The following SMARCE1 variants were observed in gnomAD, a reference collection of about 807,000 sequenced individuals.
SMARCE1 encodes the protein SWI/SNF-related matrix-associated actin-dependent regulator of chromatin subfamily E member 1.
SMARCE1 carries 13 observed loss-of-function variants against 54.9 expected under a neutral mutation model. The ratio of observed to expected loss-of-function variants is 0.24; its 90% CI spans 0.15 to 0.38. The LOEUF (loss-of-function observed/expected upper bound fraction) is 0.38, where lower values mean the gene tolerates loss of function less well. SMARCE1 is among the 10% of genes least tolerant of loss of function. The pLI is 1.00. For synonymous variants in SMARCE1, 151 were observed against 175.3 expected (o/e 0.86, Z 1.10); for missense variants, 295 against 523.8 (o/e 0.56, Z 4.26).
chr17:40,646,335 A>G (rs1374595053), intron 1 of SMARCE1, among the ~76,000 whole-genome samples: 1 of 152,238 alleles, frequency 6.6e-6, no homozygotes, highest in Non-Finnish European at 1.5e-5. Context: ...TATGACAATG[A>G]ACTTCACATT....
chr17:40,642,575 G>T lies in SMARCE1; in HGVS notation c.52-16C>A. 1 of 1,467,952 alleles carries T rather than the reference G, an allele frequency of 6.8e-7. No individual in the cohort carries two copies. Among genetic ancestry groups the T allele is most frequent in the Non-Finnish European group, 9.5e-7 (1 of 1,051,750 alleles). 90.9% of individuals were successfully genotyped at this position (1,467,952 alleles called of 1,614,324 possible). On this transcript the variant is annotated splice_polypyrimidine_tract_variant and intron_variant, in intron 3 of 10. Transcript: ENST00000348513. This position sits in a 1 kb window ranked among gnomAD's most constrained non-coding sequence, Gnocchi z 4.6. ...TGGGCATTTGCTGATGGAAACAAAT[G>T]AGACAAAAACACGAATGAGAAATGA...
At position 40,636,810 on chromosome 17, in the gene SMARCE1, A is replaced by G. The variant is rs868244000; in HGVS notation, c.238-284T>C. 30 of 240,640 alleles carry G rather than the reference A, an allele frequency of 1.2e-4. 1 individual carries two copies. In the Middle Eastern group the frequency reaches 5.5e-3, roughly 44 times the overall value. The allele number at this position is 240,640 out of a possible 1,614,324, so 14.9% of individuals were successfully genotyped here. A position where few individuals can be genotyped will look rare whatever the true frequency, so the allele number is the denominator to read the frequency against. ...TCTCCAATCACTACAGACACTTAGGATGAGTTACTTCAATAACATAGTCTA... is the reference window on the plus strand; with the variant it reads ...TCTCCAATCACTACAGACACTTAGGGTGAGTTACTTCAATAACATAGTCTA... On this transcript the variant is annotated intron_variant, in intron 5 of 10. Transcript: ENST00000348513.
At chr17:40,629,897 T>C in intron 10 of SMARCE1, 1 of 352,216 alleles carries the variant, frequency 2.8e-6, no homozygotes, top group Non-Finnish European at 5.0e-6. Flanking sequence ...TTTCAAATGT[T>C]AATCTGCTGG....
At chr17:40,643,024 T>A (rs938373976) in intron 3 of SMARCE1, 4 of 152,810 alleles carry the variant, frequency 2.6e-5, no homozygotes, top group African/African-American at 9.6e-5. Flanking sequence ...AATGTATTTA[T>A]CTACTAAAAA....
chr17:40,637,272 T>C (rs2037155871), intron 5 of SMARCE1: 2 of 555,264 alleles, frequency 3.6e-6, no homozygotes, highest in South Asian at 4.1e-5. Flanking sequence ...TAGAACATTC[T>C]ATCTTAAGGA....
At chr17:40,629,097 T>C in intron 10 of SMARCE1, 104 bp from the exon 11 acceptor site, 1 of 902,230 alleles carries the variant, frequency 1.1e-6, no homozygotes, top group South Asian at 1.5e-5. Context: ...ACTAGCCACA[T>C]GTGGTTATTA....
chr17:40,642,658 A>G lies in SMARCE1; in HGVS notation c.52-99T>C, dbSNP rs562967592. 2 of 699,316 alleles carry G rather than the reference A, an allele frequency of 2.9e-6. No homozygotes were observed. The highest frequency in any genetic ancestry group is 2.6e-5 in the East Asian group (1 of 39,084). 43.3% of individuals were successfully genotyped at this position (699,316 alleles called of 1,614,324 possible). A position where few individuals can be genotyped will look rare whatever the true frequency, so the allele number is the denominator to read the frequency against. ...GATCTGCATATGGCATGCAAAAGCA[A>G]CCTGAATTTAAACAAGCAATGATGT... On this transcript the variant is annotated intron_variant, in intron 3 of 10. Transcript: ENST00000348513. This position sits in a 1 kb window ranked among gnomAD's most constrained non-coding sequence, Gnocchi z 4.6.
chr17:40,642,349 A>AT lies in SMARCE1; in HGVS notation c.156+105dup. Reference sequence around the variant, plus strand: ...AATACTCAAAAAGCTAGGTTAAAAAATTTTTTTTAAATGGCTGTGCTTATG... The same window carrying AT: ...AATACTCAAAAAGCTAGGTTAAAAAATTTTTTTTTAAATGGCTGTGCTTATG... On this transcript the variant is annotated intron_variant, in intron 4 of 10. Transcript: ENST00000348513. This position sits in a 1 kb window ranked among gnomAD's most constrained non-coding sequence, Gnocchi z 4.6. 4 of 787,426 alleles carry AT rather than the reference A, an allele frequency of 5.1e-6. No individual in the cohort carries two copies. Among genetic ancestry groups the AT allele is most frequent in the Middle Eastern group, 2.3e-4 (1 of 4,364 alleles). 48.8% of individuals were successfully genotyped at this position (787,426 alleles called of 1,614,324 possible).
intron 4 of SMARCE1, chr17:40,640,158 C>G (rs1383344985): frequency 1.3e-5 from 2 of 152,166 alleles, no homozygotes; most frequent in African/African-American, 4.8e-5. Flanking sequence ...CAATTCTCAG[C>G]TGTTTCTCTA....
Position 40,636,743 on chromosome 17 carries a change from C to T in SMARCE1, c.238-217G>A, listed in dbSNP as rs1351128035. 7 of 429,374 alleles carry T rather than the reference C, an allele frequency of 1.6e-5. 1 individual carries two copies. The highest frequency in any genetic ancestry group is 1.0e-4 in the South Asian group (3 of 28,692). 26.6% of individuals were successfully genotyped at this position (429,374 alleles called of 1,614,324 possible). On this transcript the variant is annotated intron_variant, in intron 5 of 10. Transcript: ENST00000348513. ...ACTTTAAGATAGATCTCAGACATCA[C>T]GTCACTCACTTATAAATACTTCAAT...
Position 40,642,336 on chromosome 17 carries a change from G to C in SMARCE1, c.156+119C>G, listed in dbSNP as rs1356313446. 1.4e-6 allele frequency: 1 copy of C among 736,350 alleles called. No homozygotes were observed. Among genetic ancestry groups the C allele is most frequent in the Admixed American group, 2.0e-5 (1 of 49,956 alleles). 45.6% of individuals were successfully genotyped at this position (736,350 alleles called of 1,614,324 possible). The stretch of plus-strand genomic sequence containing the variant: ...AACGAATGTTGAAAATACTCAAAAA[G>C]CTAGGTTAAAAAATTTTTTTTAAAT... On this transcript the variant is annotated intron_variant, in intron 4 of 10. Transcript: ENST00000348513. This position sits in a 1 kb window ranked among gnomAD's most constrained non-coding sequence, Gnocchi z 4.6.
intron 4 of SMARCE1, among the ~76,000 whole-genome samples, chr17:40,639,307 A>G (rs2037174951): frequency 6.6e-6 from 1 of 152,198 alleles, no homozygotes; most frequent in Non-Finnish European, 1.5e-5. Context: ...AAGTTACTAG[A>G]AAGTATTTCC....
chr17:40,637,451 A>G, intron 5 of SMARCE1, 41 bp downstream of exon 5: 1 of 1,453,048 alleles, frequency 6.9e-7, no homozygotes. Context: ...AGAAGCAGCA[A>G]AGACAGTGTC....
At chr17:40,645,972 T>C (rs748464409) in intron 1 of SMARCE1, 125 bp from the exon 2 acceptor site, 8 of 404,014 alleles carry the variant, frequency 2.0e-5, no homozygotes, top group African/African-American at 4.1e-5. Context: ...CCTTAATTCC[T>C]AGTAATTAAG....
intron 5 of SMARCE1, 55 bp downstream of exon 5, chr17:40,637,437 G>T: frequency 7.5e-7 from 1 of 1,341,830 alleles, no homozygotes; most frequent in Non-Finnish European, 1.1e-6. Flanking sequence ...TGGATGTTAA[G>T]CAAAGAAGCA....
chr17:40,631,902 G>A (rs1290656539), intron 8 of SMARCE1: 2 of 541,922 alleles, frequency 3.7e-6, no homozygotes, highest in Admixed American at 3.4e-5. Flanking sequence ...GCAATTCCTT[G>A]GGAAAAAATA....
At chr17:40,638,233 G>C (rs573886625) in intron 4 of SMARCE1, among the ~76,000 whole-genome samples, 2 of 152,264 alleles carry the variant, frequency 1.3e-5, no homozygotes, top group African/African-American at 4.8e-5. Context: ...CCTAATCACA[G>C]TGTAAAAGCA....
chr17:40,645,443 C>CTTT, intron 3 of SMARCE1, 133 bp downstream of exon 3: 1 of 465,624 alleles, frequency 2.1e-6, no homozygotes, highest in Non-Finnish European at 3.8e-6. Context: ...GTAGGAAGTG[C>CTTT]TTTTTTTTTT....
Position 40,628,581 on chromosome 17 carries a change from C to G in SMARCE1, c.*204G>C, listed in dbSNP as rs2037057645. The G allele has an allele frequency of 3.8e-6, 2 of 524,744 alleles. No individual in the cohort carries two copies. The highest frequency in any genetic ancestry group is 3.3e-5 in the Admixed American group (1 of 30,348). The allele number at this position is 524,744 out of a possible 1,614,324, so 32.5% of individuals were successfully genotyped here. On this transcript the variant is annotated 3_prime_UTR_variant, in exon 11 of 11. Transcript: ENST00000348513. ...AGCAGTTGAGGGCTAGAAACAAGAT[C>G]CAAAGAAAAGAGCCATCTTCACAAC...
Sources: allele counts gnomAD v4.1 joint callset (sites outside exome capture counted in the v4.1 genomes callset), GRCh38; gene constraint gnomAD v4.1.1; non-coding constraint Gnocchi (gnomAD v3.1); transcripts MANE v1.5; gene names NCBI Gene and HGNC (gene_info 2026-07-23, HGNC 2026-07-21).